RAPGEF4: variants seen among roughly 807,000 people sequenced by gnomAD.
The protein encoded by RAPGEF4 is RAP guanine-nucleotide-exchange factor (GEF) 4.
In RAPGEF4, 66 loss-of-function variants were observed where a neutral mutation model predicts 147.9. That is an observed-to-expected ratio of 0.45 (90% CI 0.37 to 0.55). The LOEUF is 0.55. RAPGEF4 is among the 20% of genes least tolerant of loss of function. RAPGEF4 has a pLI of 0.00. For synonymous variants in RAPGEF4, 419 were observed against 442.7 expected (o/e 0.95, Z 0.67); for missense variants, 1,071 against 1,257.3 (o/e 0.85, Z 2.24).
chr2:172,833,677 G>T (rs1419151072), intron 4 of RAPGEF4, among the ~76,000 whole-genome samples: 1 of 152,148 alleles, frequency 6.6e-6, no homozygotes, highest in African/African-American at 2.4e-5. Context: ...AAAGAAACGT[G>T]CCCCTTTTGC....
rs750623222 is a variant in RAPGEF4, at chr2:172,967,343, TGAG to T, written c.910_912del (p.Glu304del). On this transcript the variant is annotated inframe_deletion, in exon 10 of 31. Coordinates refer to ENST00000397081, the MANE Select transcript of RAPGEF4 (RefSeq NM_007023.4). ...AGCACGAGGATGCCCCTTTGCCTAC[TGAG>T]GAGGAGAAGAAGGAGTGTGATGAGG... The T allele has an allele frequency of 4.7e-5, 75 of 1,612,104 alleles. No homozygotes were observed. Among genetic ancestry groups the T allele is most frequent in the Non-Finnish European group, 6.0e-5 (71 of 1,179,806 alleles).
intron 4 of RAPGEF4, among the ~76,000 whole-genome samples, chr2:172,885,772 T>C (rs893276444): frequency 6.6e-6 from 1 of 152,166 alleles, no homozygotes; most frequent in African/African-American, 2.4e-5. Context: ...AAGATGAGAT[T>C]TAGGTGGGGA....
chr2:172,917,961 C>G (rs1441581799), intron 5 of RAPGEF4, 87 bp downstream of exon 5: 1 of 1,104,988 alleles, frequency 9.0e-7, no homozygotes, highest in Non-Finnish European at 1.4e-6. Flanking sequence ...CCTACACCAG[C>G]TTGTCAGAGT....
chr2:172,743,047 G>A (rs10181126), intron 1 of RAPGEF4, among the ~76,000 whole-genome samples: 17,352 of 152,094 alleles, frequency 0.11, 1,185 homozygotes, highest in African/African-American at 0.19. Context: ...CCCTCTCATC[G>A]TAGCTGCTTA....
chr2:172,883,439 C>G (rs941225927), intron 4 of RAPGEF4, among the ~76,000 whole-genome samples: 1 of 152,140 alleles, frequency 6.6e-6, no homozygotes, highest in African/African-American at 2.4e-5. Flanking sequence ...GGCCCCACCT[C>G]CCAACACTGT....
chr2:172,924,580 A>G (rs1210013885), intron 6 of RAPGEF4, among the ~76,000 whole-genome samples: 1 of 152,206 alleles, frequency 6.6e-6, no homozygotes, highest in African/African-American at 2.4e-5. Context: ...ACCATGTGTT[A>G]TTAGGAAAGC....
intron 5 of RAPGEF4, among the ~76,000 whole-genome samples, chr2:172,918,657 T>C (rs896910188): frequency 1.3e-5 from 2 of 152,176 alleles, no homozygotes; most frequent in South Asian, 4.2e-4. Flanking sequence ...AGTCTTTTGA[T>C]CTGTTCATGC....
chr2:172,987,975 T>A (rs914889746), intron 12 of RAPGEF4, among the ~76,000 whole-genome samples: 5 of 152,230 alleles, frequency 3.3e-5, no homozygotes. Flanking sequence ...TAAAAACCTA[T>A]GTTTTAGGGC....
intron 1 of RAPGEF4, among the ~76,000 whole-genome samples, chr2:172,760,057 G>C (rs1213570843): frequency 6.6e-6 from 1 of 152,126 alleles, no homozygotes; most frequent in East Asian, 1.9e-4. Flanking sequence ...AATGCCCCAA[G>C]AAAAGCTTAC....
At chr2:172,870,988 G>T (rs1458856332) in intron 4 of RAPGEF4, among the ~76,000 whole-genome samples, 1 of 152,086 alleles carries the variant, frequency 6.6e-6, no homozygotes, top group East Asian at 1.9e-4. Flanking sequence ...TTAGAATTAA[G>T]AAAAATAAAC....
chr2:172,918,630 A>G (rs141555423), intron 5 of RAPGEF4, among the ~76,000 whole-genome samples: 22 of 152,312 alleles, frequency 1.4e-4, no homozygotes, highest in Admixed American at 4.6e-4. Flanking sequence ...AACTCAAAGA[A>G]ACCCGTATGT....
chr2:172,768,477 G>A (rs1037566064), intron 1 of RAPGEF4, among the ~76,000 whole-genome samples: 6 of 150,546 alleles, frequency 4.0e-5, no homozygotes, highest in Non-Finnish European at 7.4e-5. Flanking sequence ...TAGTTTATGG[G>A]AGCCAGTAGA....
intron 10 of RAPGEF4, among the ~76,000 whole-genome samples, chr2:172,968,595 A>C (rs1690116830): frequency 1.3e-5 from 2 of 152,168 alleles, no homozygotes; most frequent in Non-Finnish European, 2.9e-5. Flanking sequence ...ATCCCAGCAG[A>C]TACCATCATC....
At chr2:172,876,565 G>A (rs192446817) in intron 4 of RAPGEF4, among the ~76,000 whole-genome samples, 3 of 152,132 alleles carry the variant, frequency 2.0e-5, no homozygotes, top group Non-Finnish European at 2.9e-5. Context: ...TGATTTGCAT[G>A]TGTTGAACCA....
chr2:172,977,585 CCA>C (rs1691212209), intron 10 of RAPGEF4, among the ~76,000 whole-genome samples: 1 of 152,052 alleles, frequency 6.6e-6, no homozygotes, highest in Non-Finnish European at 1.5e-5. Context: ...CACTGAGCCC[CCA>C]CTAGGGTGGG....
At chr2:172,782,490 C>T (rs770712707) in intron 1 of RAPGEF4, among the ~76,000 whole-genome samples, 42 of 152,302 alleles carry the variant, frequency 2.8e-4, no homozygotes, top group Middle Eastern at 3.4e-3. Context: ...AAGAGAGTCC[C>T]CTTCTCTAAC....
At chr2:172,991,002 A>G (rs1692777767) in intron 15 of RAPGEF4, 77 bp downstream of exon 15, 1 of 1,112,856 alleles carries the variant, frequency 9.0e-7, no homozygotes, top group Admixed American at 2.0e-5. Context: ...CTACAATAGC[A>G]TGTTCTCCTT....
intron 4 of RAPGEF4, chr2:172,821,891 A>AT: frequency 1.2e-6 from 2 of 1,609,726 alleles, no homozygotes; most frequent in Non-Finnish European, 1.7e-6. Flanking sequence ...ATGAAGGTAC[A>AT]TTTTGCTGAT....
At chr2:172,987,738 G>T (rs1050206104) in intron 12 of RAPGEF4, among the ~76,000 whole-genome samples, 1 of 152,220 alleles carries the variant, frequency 6.6e-6, no homozygotes, top group African/African-American at 2.4e-5. Context: ...TGTGGATTTT[G>T]ATATCCTTGG....
Sources: allele counts gnomAD v4.1 joint callset (sites outside exome capture counted in the v4.1 genomes callset), GRCh38; gene constraint gnomAD v4.1.1; transcripts MANE v1.5; gene names NCBI Gene and HGNC (gene_info 2026-07-23, HGNC 2026-07-21).